TRIM74: variants seen among roughly 807,000 people sequenced by gnomAD.
The protein encoded by TRIM74 is tripartite motif-containing protein 74.
Under a neutral mutation model 14.5 loss-of-function variants are expected in TRIM74, and 3 were observed. The observed-to-expected ratio is 0.21, with a 90% CI of 0.09 to 0.53. The LOEUF is 0.53. Ranked by LOEUF, TRIM74 falls within the 20% of genes least tolerant of loss-of-function variation. TRIM74 has a pLI of 0.95. For missense variants in TRIM74, 26 were observed against 174.0 expected (o/e 0.15, Z 4.79); for synonymous variants, 10 against 71.3 (o/e 0.14, Z 4.33).
downstream of TRIM74, chr7:72,955,095 A>G (rs1454252308): frequency 1.4e-4 from 21 of 151,044 alleles, no homozygotes; most frequent in Non-Finnish European, 2.4e-4. Context: ...GTGTATATAT[A>G]TATATATATA....
chr7:72,969,192 T>C, intron 1 of TRIM74, 93 bp downstream of exon 1: 1 of 251,396 alleles, frequency 4.0e-6, no homozygotes, highest in Non-Finnish European at 7.9e-6. Flanking sequence ...CCCCACGCGC[T>C]CCCACTGTGC....
intron 1 of TRIM74, among the ~76,000 whole-genome samples, chr7:72,966,384 C>CGTGTGTGTGT (rs58047233): frequency 2.1e-4 from 27 of 131,530 alleles, no homozygotes; most frequent in Admixed American, 2.9e-4. Flanking sequence ...CTTGAAGATA[C>CGTGTGTGTGT]GTGTGTGTGT....
chr7:72,967,356 C>G (rs1798311402), intron 1 of TRIM74, among the ~76,000 whole-genome samples: 1 of 152,218 alleles, frequency 6.6e-6, no homozygotes, highest in Non-Finnish European at 1.5e-5. Context: ...CTCCTAGGCT[C>G]AAGCCATCCT....
chr7:72,967,131 G>C (rs1334951722), intron 1 of TRIM74, among the ~76,000 whole-genome samples: 1 of 152,312 alleles, frequency 6.6e-6, no homozygotes, highest in South Asian at 2.1e-4. Context: ...GTGGAGGAGG[G>C]GCAGAAACAG....
chr7:72,955,253 C>T (rs1405279677), downstream of TRIM74, among the ~76,000 whole-genome samples: 2 of 118,472 alleles, frequency 1.7e-5, no homozygotes, highest in South Asian at 3.1e-4. Context: ...CGTGCCACCA[C>T]GCCCGGCTAA....
downstream of TRIM74, chr7:72,955,035 T>C: frequency 1.5e-6 from 1 of 649,042 alleles, no homozygotes; most frequent in South Asian, 1.5e-5. Flanking sequence ...TGTTCACATG[T>C]GTATTGGTCA....
At position 72,966,036 on chromosome 7, in the gene TRIM74, A is replaced by G; in HGVS notation, c.122T>C (p.Val41Ala). The change falls in exon 2 of 5, where the codon GTT (valine) becomes GCT (alanine). Residue 41 changes from valine (V) to alanine (A), a missense_variant. Val to Ala is a moderately conservative substitution (Grantham distance 64, BLOSUM62 0). Coordinates refer to ENST00000285805, the MANE Select transcript of TRIM74 (RefSeq NM_198853.3). ...GGTGTCCAGGTGGTAGGACAGGGAA[A>G]CCAGGCAGCCCTTGCAGTAGGAGTG... is the stretch of plus-strand genomic sequence containing the variant. ...CGHSYCKGCL[V>A]SLSYHLDTKV... The G allele has an allele frequency of 1.6e-5, 12 of 766,054 alleles. 2 individuals are homozygous for G. The highest frequency in any genetic ancestry group is 2.1e-5 in the Non-Finnish European group (12 of 574,600). The allele number at this position is 766,054 out of a possible 1,614,324, so 47.5% of individuals were successfully genotyped here.
In TRIM74 at chr7:72,967,249, G is replaced by GC. The variant is rs1474223825; in HGVS notation, c.-18-1075_-18-1074insG. 2.0e-5 allele frequency among the ~76,000 whole-genome samples: 3 copies of GC among 148,968 alleles called. No homozygotes were observed. In the South Asian group the frequency reaches 6.5e-4, roughly 32 times the overall value. On this transcript the variant is annotated intron_variant, in intron 1 of 4. Transcript: ENST00000285805. ...CTCTTGCTCTTATATCCTTTTTTGG[G>GC]GGGGGTGGGGGGCTGGGGGGCAGGG...
downstream of TRIM74, among the ~76,000 whole-genome samples, chr7:72,956,462 A>AT (rs1200972590): frequency 4.4e-5 from 6 of 137,226 alleles, no homozygotes; most frequent in Admixed American, 4.4e-4. Context: ...CCTAAACAAG[A>AT]ACTGGTGGCC....
downstream of TRIM74, among the ~76,000 whole-genome samples, chr7:72,956,833 G>C (rs1798103298): frequency 1.3e-5 from 2 of 149,162 alleles, no homozygotes; most frequent in East Asian, 4.1e-4. Context: ...GCAGAGGAAG[G>C]CCTCTCTTAT....
downstream of TRIM74, among the ~76,000 whole-genome samples, chr7:72,955,675 G>T (rs1265293869): frequency 6.8e-6 from 1 of 146,094 alleles, no homozygotes; most frequent in Non-Finnish European, 1.5e-5. Flanking sequence ...CCACAATAAC[G>T]GTTTTGTTTT....
At chr7:72,955,124 T>TTTTC (rs782166604), downstream of TRIM74, among the ~76,000 whole-genome samples, 186 of 123,496 alleles carry the variant, frequency 1.5e-3, 3 homozygotes, top group Middle Eastern at 0.013. Flanking sequence ...TTTTTTTTTT[T>TTTTC]CAGACAAAAA....
In TRIM74 at chr7:72,969,461, A is replaced by G; in HGVS notation, c.-195T>C. 1 of 603,362 alleles carries G rather than the reference A, an allele frequency of 1.7e-6. No individual in the cohort carries two copies. The highest frequency in any genetic ancestry group is 1.9e-5 in the South Asian group (1 of 52,002). The allele number at this position is 603,362 out of a possible 1,614,324, so 37.4% of individuals were successfully genotyped here. ...CTGGCGCTCCCGCACATGCCCCATC[A>G]TGCTCAGCGCGCTCCCATTACGTGC... On this transcript the variant is annotated 5_prime_UTR_variant, in exon 1 of 5. It removes an upstream start codon present in the reference 5' UTR. Transcript: ENST00000285805.
Position 72,963,662 on chromosome 7 carries a change from G to A in TRIM74, c.399+2097C>T, listed in dbSNP as rs1798223773. On this transcript the variant is annotated intron_variant, in intron 2 of 4. Transcript: ENST00000285805. The stretch of plus-strand genomic sequence containing the variant: ...GAGACGGGAGGATCACTTGAGGCCA[G>A]GAGTTTGAGTCCAGCCTGGACAAAA... 2.1e-5 allele frequency among the ~76,000 whole-genome samples: 3 copies of A among 142,562 alleles called. No individual in the cohort carries two copies. The South Asian group carries it at 7.4e-4, about 35-fold the overall frequency. 93.5% of individuals were successfully genotyped at this position (142,562 alleles called of 152,430 possible).
chr7:72,955,111 A>ATATATATATT (rs1346659193), downstream of TRIM74: 10 of 112,066 alleles, frequency 8.9e-5, no homozygotes, highest in African/African-American at 3.7e-4. Context: ...ATATATATAT[A>ATATATATATT]TTTTTTTTTT....
chr7:72,967,812 CTTTA>C (rs1358524560), intron 1 of TRIM74, among the ~76,000 whole-genome samples: 6 of 3,404 alleles, frequency 1.8e-3, no homozygotes, highest in African/African-American at 3.3e-3. Context: ...TTGAAGGTAT[CTTTA>C]TTTACTTATT....
chr7:72,962,576 G>C (rs1798182889), intron 2 of TRIM74, among the ~76,000 whole-genome samples: 1 of 29,848 alleles, frequency 3.4e-5, no homozygotes, highest in African/African-American at 1.6e-4. Context: ...CAGCTACTCG[G>C]GAGGCTGAGG....
intron 2 of TRIM74, among the ~76,000 whole-genome samples, chr7:72,963,593 G>A (rs1460825168): frequency 2.0e-3 from 270 of 134,636 alleles, no homozygotes; most frequent in African/African-American, 7.1e-3. Context: ...AAATCTGGCC[G>A]GGAACAGTGG....
chr7:72,966,812 G>A (rs376730555), intron 1 of TRIM74: 3 of 93,908 alleles, frequency 3.2e-5, no homozygotes, highest in Non-Finnish European at 6.5e-5. Context: ...AGCCCCCAGC[G>A]AGAGCCCGAC....
Sources: gnomAD v4.1 joint callset for allele counts (sites outside exome capture counted in the v4.1 genomes callset) on GRCh38, gnomAD v4.1.1 for gene constraint, MANE v1.5 for transcripts, NCBI Gene and HGNC (gene_info 2026-07-23, HGNC 2026-07-21) for gene names.